Variants in KIF1B observed in about 807,000 individuals in gnomAD.
The protein encoded by KIF1B is kinesin family member 1B.
A neutral mutation model predicts 241.9 loss-of-function variants in KIF1B; 76 were observed. That is an observed-to-expected ratio of 0.31 (90% CI 0.26 to 0.38). KIF1B has a LOEUF of 0.38. Ranked by LOEUF, KIF1B falls within the 10% of genes least tolerant of loss-of-function variation. The pLI is 1.00. For synonymous variants in KIF1B, 750 were observed against 796.7 expected, an observed-to-expected ratio of 0.94 and a Z score of 0.99; for missense variants, 1,622 against 2,271.4, an observed-to-expected ratio of 0.71 and a Z score of 5.81.
At chr1:10,219,992 C>T (rs1646819780) in intron 1 of KIF1B, among the ~76,000 whole-genome samples, 1 of 151,844 alleles carries the variant, frequency 6.6e-6, no homozygotes, top group African/African-American at 2.4e-5. Flanking sequence ...CACCTGAGGT[C>T]AAGAGTTCGA....
chr1:10,297,154 T>TC lies in KIF1B; in HGVS notation c.2043-20_2043-19insC. ...ATACTAATAGCATTCTTGAATTTTT[T>TC]TTTTTTTTTTTACTTCTAGGCTACA... On this transcript the variant is annotated intron_variant, in intron 21 of 48. Coordinates refer to ENST00000676179, the MANE Select transcript of KIF1B (RefSeq NM_001365951.3). 1 of 1,612,962 alleles carries TC rather than the reference T, an allele frequency of 6.2e-7. No individual in the cohort carries two copies. The highest frequency in any genetic ancestry group is 2.2e-5 in the East Asian group (1 of 44,866).
intron 2 of KIF1B, 81 bp downstream of exon 2, chr1:10,232,515 G>C: frequency 8.3e-6 from 8 of 964,580 alleles, no homozygotes; most frequent in South Asian, 1.4e-5. Context: ...GTTCAGAATA[G>C]ATGAACATCT....
rs1332625115 is a variant in KIF1B, at chr1:10,353,181, CTTGTG to C, written c.4055+448_4055+452del. Among the ~76,000 whole-genome samples, 8 of 152,270 alleles carry C rather than the reference CTTGTG, an allele frequency of 5.3e-5. No individual in the cohort carries two copies. The South Asian group carries it at 1.4e-3, about 28-fold the overall frequency. On this transcript the variant is annotated intron_variant, in intron 38 of 48. Transcript: ENST00000676179. ...TGCCCTCTGAGATAAAATGAAGCCTCTTGTGTTAAGTCTTTGCTGCTGCTGACTAT... is the reference window on the plus strand; with the variant it reads ...TGCCCTCTGAGATAAAATGAAGCCTCTTAAGTCTTTGCTGCTGCTGACTAT...
intron 13 of KIF1B, 23 bp from the exon 14 acceptor site, chr1:10,279,073 AT>A: frequency 6.5e-7 from 1 of 1,537,604 alleles, no homozygotes; most frequent in Non-Finnish European, 8.8e-7. Flanking sequence ...CCCTTCTCGT[AT>A]TTTCCCTCCT....
At chr1:10,316,063 A>G (rs1651290454) in intron 22 of KIF1B, among the ~76,000 whole-genome samples, 1 of 148,926 alleles carries the variant, frequency 6.7e-6, no homozygotes. Flanking sequence ...CTCAAAAAAA[A>G]AAAAAAAAAA....
intron 11 of KIF1B, 49 bp from the exon 12 acceptor site, chr1:10,276,272 T>G (rs758862703): frequency 7.9e-7 from 1 of 1,258,356 alleles, no homozygotes; most frequent in Non-Finnish European, 1.2e-6. Context: ...TCCATAAAAT[T>G]TTTCTTCTAA....
Position 10,336,738 on chromosome 1 carries a change from A to C in KIF1B, c.3125A>C (p.Asn1042Thr), listed in dbSNP as rs201731199. Residue 1042 changes from asparagine (N) to threonine (T), a missense_variant, in exon 29 of 49, where the codon AAT (asparagine) becomes ACT (threonine). By Grantham distance (65) the Asn-to-Thr change is moderately conservative. Transcript: ENST00000676179. The stretch of plus-strand genomic sequence containing the variant: ...ATATCTTTTGATAATGAATACTTTA[A>C]TCAGGTGAGAAACCGTCAGGAAGAA... The part of the protein sequence containing the change: ...AKISFDNEYF[N>T]QSDFSSVAMT... The C allele has an allele frequency of 3.7e-6, 6 of 1,609,928 alleles. No individual in the cohort carries two copies. The Admixed American group carries it at 1.0e-4, about 27-fold the overall frequency.
intron 1 of KIF1B, chr1:10,230,652 T>G (rs1351728463): frequency 6.6e-6 from 1 of 152,142 alleles, no homozygotes; most frequent in Non-Finnish European, 1.5e-5. Flanking sequence ...GCTAGGCTGG[T>G]CTTGATCTCC....
chr1:10,375,050 C>G lies in KIF1B; in HGVS notation c.5289+4C>G, dbSNP rs182657577. 1 of 1,613,870 alleles carries G rather than the reference C, an allele frequency of 6.2e-7. No individual in the cohort carries two copies. The highest frequency in any genetic ancestry group is 8.5e-7 in the Non-Finnish European group (1 of 1,179,908). ...GGACCAGCAGGCCATGGTGAAGGTC[C>G]GTCCTGCCCTGCCTTGGTTTCTTAT... On this transcript the variant is annotated splice_donor_region_variant and intron_variant, in intron 47 of 48. Coordinates refer to ENST00000676179, the MANE Select transcript of KIF1B (RefSeq NM_001365951.3).
intron 2 of KIF1B, among the ~76,000 whole-genome samples, chr1:10,244,617 T>C (rs1168036231): frequency 2.3e-5 from 3 of 131,180 alleles, no homozygotes; most frequent in African/African-American, 8.6e-5. Flanking sequence ...CGGCCCTCCT[T>C]TTTTTTTTTT....
chr1:10,292,283 T>C (rs1318164171), intron 17 of KIF1B, 161 bp downstream of exon 17: 4 of 668,236 alleles, frequency 6.0e-6, no homozygotes, highest in African/African-American at 1.8e-5. Context: ...CATGGTCTTA[T>C]AGTACAAAGG....
At chr1:10,336,862 A>G (rs1652199475) in intron 29 of KIF1B, 120 bp downstream of exon 29, 2 of 1,101,662 alleles carry the variant, frequency 1.8e-6, no homozygotes, top group South Asian at 1.3e-5. Context: ...GAGTAGTTCA[A>G]TAGAATATGG....
intron 10 of KIF1B, among the ~76,000 whole-genome samples, chr1:10,273,572 C>T (rs1311760402): frequency 6.6e-6 from 1 of 151,724 alleles, no homozygotes; most frequent in African/African-American, 2.4e-5. Flanking sequence ...AAAATTGAAC[C>T]TGCTATTGGA....
intron 22 of KIF1B, among the ~76,000 whole-genome samples, chr1:10,318,305 A>C (rs1463444278): frequency 6.6e-6 from 1 of 151,526 alleles, no homozygotes; most frequent in Non-Finnish European, 1.5e-5. Context: ...GGCTTTCAGC[A>C]GTGCTTTATG....
intron 15 of KIF1B, among the ~76,000 whole-genome samples, chr1:10,290,738 C>CTAATTAATTA (rs1649953971): frequency 6.6e-6 from 1 of 151,680 alleles, no homozygotes; most frequent in East Asian, 2.0e-4. Context: ...GGCGTGGTGG[C>CTAATTAATTA]ACGTGCCTGT....
At chr1:10,334,082 C>T (rs1652067107) in intron 27 of KIF1B, among the ~76,000 whole-genome samples, 1 of 137,694 alleles carries the variant, frequency 7.3e-6, no homozygotes, top group Non-Finnish European at 1.5e-5. Context: ...ACCCGGGAGC[C>T]GGAGGTTGCA....
intron 2 of KIF1B, among the ~76,000 whole-genome samples, chr1:10,235,854 C>G (rs1571114035): frequency 1.1e-5 from 1 of 94,612 alleles, no homozygotes; most frequent in East Asian, 2.9e-4. Context: ...AAGACCAAAA[C>G]ACTGTCTCAA....
Position 10,365,057 on chromosome 1 carries a change from G to T in KIF1B, c.4367-43G>T. 31 of 1,505,854 alleles carry T rather than the reference G, an allele frequency of 2.1e-5. No homozygotes were observed. The highest frequency in any genetic ancestry group is 2.3e-5 in the Non-Finnish European group (26 of 1,112,996). The allele number at this position is 1,505,854 out of a possible 1,614,324, so 93.3% of individuals were successfully genotyped here. ...TTCGTTTTGACCTAAACTTGGAATT[G>T]AATTTTTTTTCTGAAACAAAAACTT... On this transcript the variant is annotated intron_variant, in intron 41 of 48. Coordinates refer to ENST00000676179, the MANE Select transcript of KIF1B (RefSeq NM_001365951.3). The surrounding 1 kb of genome is among the most constrained non-coding windows in gnomAD (Gnocchi z 4.0).
intron 22 of KIF1B, chr1:10,304,954 TTTG>T (rs145630638): frequency 0.024 from 28,715 of 1,181,290 alleles, 428 homozygotes; most frequent in Non-Finnish European, 0.028. Flanking sequence ...TTGATGTAAG[TTTG>T]TTATGTTTTT....
Sources: allele counts gnomAD v4.1 joint callset (sites outside exome capture counted in the v4.1 genomes callset), GRCh38; gene constraint gnomAD v4.1.1; non-coding constraint Gnocchi (gnomAD v3.1); transcripts MANE v1.5; gene names NCBI Gene and HGNC (gene_info 2026-07-23, HGNC 2026-07-21).